Variants in APBA2 observed in about 807,000 individuals in gnomAD.
APBA2 encodes the protein amyloid beta precursor protein binding family A member 2.
APBA2 carries 30 observed loss-of-function variants against 75.0 expected under a neutral mutation model. The observed-to-expected ratio is 0.40, with a 90% CI of 0.30 to 0.54. APBA2 has a LOEUF of 0.54. APBA2 is among the 20% of genes least tolerant of loss of function. The probability of loss-of-function intolerance (pLI) is 0.49; values close to 1 mark genes in which losing one functional copy is unlikely to be tolerated. For synonymous variants in APBA2, 444 were observed against 409.6 expected, an observed-to-expected ratio of 1.08 and a Z score of -1.01; for missense variants, 801 against 1,016.1, an observed-to-expected ratio of 0.79 and a Z score of 2.88.
At chr15:29,004,289 C>G (rs1436688570) in intron 3 of APBA2, among the ~76,000 whole-genome samples, 1 of 152,190 alleles carries the variant, frequency 6.6e-6, no homozygotes, top group Non-Finnish European at 1.5e-5. Flanking sequence ...AAGTGAAGGT[C>G]TTACCCCTGG....
intron 2 of APBA2, among the ~76,000 whole-genome samples, chr15:28,983,633 C>A (rs527349012): frequency 1.3e-5 from 2 of 152,314 alleles, no homozygotes; most frequent in East Asian, 1.9e-4. Context: ...TGGGCCCCAC[C>A]CACCCACCTC....
At chr15:28,952,555 C>A (rs1241257300) in intron 2 of APBA2, among the ~76,000 whole-genome samples, 1 of 152,124 alleles carries the variant, frequency 6.6e-6, no homozygotes, top group Non-Finnish European at 1.5e-5. Context: ...ATCTGGGGTA[C>A]CTGCTATCCA....
At chr15:29,007,803 G>A (rs1360567361) in intron 3 of APBA2, among the ~76,000 whole-genome samples, 1 of 152,176 alleles carries the variant, frequency 6.6e-6, no homozygotes, top group Non-Finnish European at 1.5e-5. Context: ...CAGCCCGTCG[G>A]AAAACAGTAT....
At chr15:29,020,861 A>G (rs1176907308) in intron 3 of APBA2, among the ~76,000 whole-genome samples, 1 of 152,142 alleles carries the variant, frequency 6.6e-6, no homozygotes, top group Non-Finnish European at 1.5e-5. Flanking sequence ...CAAACAAACA[A>G]AAAACCAGAT....
intron 2 of APBA2, among the ~76,000 whole-genome samples, chr15:28,935,191 G>A (rs929681872): frequency 1.3e-5 from 2 of 152,160 alleles, no homozygotes; most frequent in African/African-American, 2.4e-5. Context: ...ATCACAGGTC[G>A]CCTTAAAGAG....
rs1244033210 is a variant in APBA2, at chr15:28,918,882, C to T, written c.-204-2758C>T. On this transcript the variant is annotated intron_variant, in intron 1 of 14. Coordinates refer to ENST00000683413, the MANE Select transcript of APBA2 (RefSeq NM_001353788.2). This position sits in a 1 kb window ranked among gnomAD's most constrained non-coding sequence, Gnocchi z 4.2. ...ATTATTATTTTTTTTTTTTTGTAGA[C>T]GGAGTCGCGCTCTGTCTCCCAGGCT... Among the ~76,000 whole-genome samples, 2 of 151,218 alleles carry T rather than the reference C, an allele frequency of 1.3e-5. No homozygotes were observed. Among genetic ancestry groups the T allele is most frequent in the African/African-American group, 4.9e-5 (2 of 41,102 alleles).
At chr15:29,087,860 A>T (rs111621211) in intron 6 of APBA2, among the ~76,000 whole-genome samples, 1,936 of 152,218 alleles carry the variant, frequency 0.013, 20 homozygotes, top group Middle Eastern at 0.058. Flanking sequence ...AGTTGAGGCC[A>T]GGTCCCGTCT....
intron 3 of APBA2, among the ~76,000 whole-genome samples, chr15:29,027,008 T>C (rs946289052): frequency 6.6e-6 from 1 of 152,260 alleles, no homozygotes; most frequent in African/African-American, 2.4e-5. Flanking sequence ...CCAATTTTAA[T>C]GGTATGATAC....
chr15:29,108,513 C>A, intron 13 of APBA2, 124 bp downstream of exon 13: 1 of 1,501,882 alleles, frequency 6.7e-7, no homozygotes, highest in Non-Finnish European at 9.1e-7. Flanking sequence ...GTGGTTGCAG[C>A]TGCCCACAGC....
chr15:29,040,599 A>G (rs1324516863), intron 3 of APBA2, among the ~76,000 whole-genome samples: 3 of 152,204 alleles, frequency 2.0e-5, no homozygotes, highest in Admixed American at 1.3e-4. Context: ...TTGAAACCGC[A>G]CTGACGTTAA....
intron 5 of APBA2, 137 bp downstream of exon 5, chr15:29,075,138 C>T (rs1414161841): frequency 4.0e-6 from 3 of 751,772 alleles, no homozygotes; most frequent in Admixed American, 2.0e-5. Context: ...GAGTCCAGGT[C>T]AGGCCAAGTT....
At chr15:29,039,534 A>T (rs1374533521) in intron 3 of APBA2, among the ~76,000 whole-genome samples, 1 of 152,054 alleles carries the variant, frequency 6.6e-6, no homozygotes, top group Non-Finnish European at 1.5e-5. Context: ...TCACCCAGAA[A>T]TTCTGACCTC....
chr15:29,118,057 C>G lies in APBA2; in HGVS notation c.*924C>G, dbSNP rs1596031514. On this transcript the variant is annotated 3_prime_UTR_variant, in exon 15 of 15. Coordinates refer to ENST00000683413, the MANE Select transcript of APBA2 (RefSeq NM_001353788.2). Reference sequence around the variant, plus strand: ...GCCAGCGTGGCGCAGTGGCCCTGAGCAGTAGTGGCATGTGTGTAGATCAAG... The same window carrying G: ...GCCAGCGTGGCGCAGTGGCCCTGAGGAGTAGTGGCATGTGTGTAGATCAAG... 6.5e-6 allele frequency: 1 copy of G among 152,706 alleles called. No homozygotes were observed. Among genetic ancestry groups the G allele is most frequent in the East Asian group, 1.9e-4 (1 of 5,182 alleles). 9.5% of individuals were successfully genotyped at this position (152,706 alleles called of 1,614,324 possible).
intron 3 of APBA2, among the ~76,000 whole-genome samples, chr15:29,004,968 T>A (rs2039036848): frequency 6.6e-6 from 1 of 151,778 alleles, no homozygotes; most frequent in Non-Finnish European, 1.5e-5. Flanking sequence ...GCGTGAGCCA[T>A]CACGCCCGGC....
At chr15:28,936,832 G>A (rs536732984) in intron 2 of APBA2, among the ~76,000 whole-genome samples, 2 of 152,276 alleles carry the variant, frequency 1.3e-5, no homozygotes, top group African/African-American at 4.8e-5. Context: ...TGGGAGGCAG[G>A]GGCCCTGCTG....
At chr15:29,050,340 G>A (rs2041535828) in intron 3 of APBA2, among the ~76,000 whole-genome samples, 2 of 152,092 alleles carry the variant, frequency 1.3e-5, no homozygotes, top group South Asian at 4.1e-4. Context: ...TACCTCCTAA[G>A]TAAACAAAAT....
intron 13 of APBA2, among the ~76,000 whole-genome samples, chr15:29,109,316 GT>G (rs1365849639): frequency 1.3e-5 from 2 of 152,294 alleles, no homozygotes; most frequent in Non-Finnish European, 2.9e-5. Context: ...CAGGGCTTGG[GT>G]TTAGGGTCCA....
At chr15:29,020,859 C>T (rs547514128) in intron 3 of APBA2, among the ~76,000 whole-genome samples, 2 of 152,082 alleles carry the variant, frequency 1.3e-5, no homozygotes, top group African/African-American at 2.4e-5. Flanking sequence ...CCCAAACAAA[C>T]AAAAAACCAG....
intron 13 of APBA2, among the ~76,000 whole-genome samples, chr15:29,113,247 G>A (rs1158816878): frequency 3.9e-5 from 6 of 152,024 alleles, no homozygotes; most frequent in Non-Finnish European, 1.5e-5. Flanking sequence ...GGCTGGAATG[G>A]AAGCCCCCAC....
Sources: allele counts gnomAD v4.1 joint callset (sites outside exome capture counted in the v4.1 genomes callset), GRCh38; gene constraint gnomAD v4.1.1; non-coding constraint Gnocchi (gnomAD v3.1); transcripts MANE v1.5; gene names NCBI Gene and HGNC (gene_info 2026-07-23, HGNC 2026-07-21).